Variants in NTNG1 observed in about 807,000 individuals in gnomAD.
The protein encoded by NTNG1 is netrin-G1.
A neutral mutation model predicts 54.0 loss-of-function variants in NTNG1; 16 were observed. The observed-to-expected ratio is 0.30, with a 90% CI of 0.20 to 0.45. NTNG1 has a LOEUF of 0.45. Among genes scored for constraint, NTNG1 ranks in the 20% least tolerant of loss-of-function variants. The pLI, the probability that NTNG1 is intolerant of heterozygous loss-of-function variation, is 1.00. For synonymous variants in NTNG1, 255 were observed against 263.1 expected (o/e 0.97, Z 0.30); for missense variants, 530 against 678.7 (o/e 0.78, Z 2.43).
intron 7 of NTNG1, among the ~76,000 whole-genome samples, chr1:107,457,788 T>C (rs975646064): frequency 6.6e-6 from 1 of 152,150 alleles, no homozygotes; most frequent in Admixed American, 6.5e-5. Flanking sequence ...CCTCCTAATG[T>C]ATTAGAAAAT....
chr1:107,206,323 T>C (rs1031453365), intron 2 of NTNG1, among the ~76,000 whole-genome samples: 1 of 152,192 alleles, frequency 6.6e-6, no homozygotes, highest in Admixed American at 6.5e-5. Flanking sequence ...CTTTTTCTCT[T>C]TTGCTGTTTC....
At chr1:107,445,153 T>C (rs1172759565) in intron 7 of NTNG1, among the ~76,000 whole-genome samples, 1 of 151,878 alleles carries the variant, frequency 6.6e-6, no homozygotes, top group Non-Finnish European at 1.5e-5. Context: ...GATGAGAGGG[T>C]TCTTGAAAAC....
chr1:107,303,428 A>G (rs1666447455), intron 2 of NTNG1, among the ~76,000 whole-genome samples: 2 of 152,166 alleles, frequency 1.3e-5, no homozygotes, highest in South Asian at 4.1e-4. Context: ...TTATCCGACA[A>G]GTAAGAGTTT....
intron 3 of NTNG1, among the ~76,000 whole-genome samples, chr1:107,387,860 A>C (rs1413705182): frequency 6.6e-6 from 1 of 152,186 alleles, no homozygotes; most frequent in Non-Finnish European, 1.5e-5. Flanking sequence ...GGGCCTTGGT[A>C]ATTGTTGGCC....
At chr1:107,447,344 C>T (rs1187910866) in intron 7 of NTNG1, among the ~76,000 whole-genome samples, 1 of 152,018 alleles carries the variant, frequency 6.6e-6, no homozygotes, top group Non-Finnish European at 1.5e-5. Flanking sequence ...AGCTTGTTAT[C>T]AGGATAACTT....
chr1:107,303,928 G>A (rs184690740), intron 2 of NTNG1, among the ~76,000 whole-genome samples: 3 of 151,424 alleles, frequency 2.0e-5, no homozygotes, highest in East Asian at 1.9e-4. Flanking sequence ...CTCATAATCC[G>A]CCCGCCTTGG....
At chr1:107,173,438 A>G (rs4614291) in intron 2 of NTNG1, among the ~76,000 whole-genome samples, 117,643 of 152,028 alleles carry the variant, frequency 0.77, 46,108 homozygotes, top group Middle Eastern at 0.87. Flanking sequence ...TGCTTGAGGC[A>G]GGGAAGAAGT....
chr1:107,342,060 T>A (rs959961838), intron 3 of NTNG1, among the ~76,000 whole-genome samples: 2 of 152,122 alleles, frequency 1.3e-5, no homozygotes, highest in African/African-American at 4.8e-5. Context: ...AAAACCCATT[T>A]AAAATTAGTC....
chr1:107,335,667 A>G (rs968882875), intron 3 of NTNG1, among the ~76,000 whole-genome samples: 3 of 151,376 alleles, frequency 2.0e-5, no homozygotes, highest in African/African-American at 4.9e-5. Context: ...ATGATTTTCT[A>G]TTTTTTTTCA....
chr1:107,221,564 G>A (rs1167063663), intron 2 of NTNG1, among the ~76,000 whole-genome samples: 1 of 152,116 alleles, frequency 6.6e-6, no homozygotes, highest in African/African-American at 2.4e-5. Flanking sequence ...CTAGGTAGAG[G>A]GAACATTCAA....
chr1:107,217,087 T>G (rs1051216183), intron 2 of NTNG1, among the ~76,000 whole-genome samples: 4 of 152,166 alleles, frequency 2.6e-5, no homozygotes, highest in Admixed American at 2.6e-4. Context: ...AGACTTTTTT[T>G]GTTGGTAACT....
At chr1:107,396,976 A>T (rs1249315288) in intron 4 of NTNG1, among the ~76,000 whole-genome samples, 1 of 152,190 alleles carries the variant, frequency 6.6e-6, no homozygotes, top group Non-Finnish European at 1.5e-5. Context: ...AGACATTTTC[A>T]CTGGAAAGAC....
At chr1:107,190,581 C>G (rs1187550986) in intron 2 of NTNG1, among the ~76,000 whole-genome samples, 3 of 152,068 alleles carry the variant, frequency 2.0e-5, no homozygotes, top group African/African-American at 7.2e-5. Flanking sequence ...CTCCACTCCC[C>G]CCACCCCATA....
At chr1:107,409,425 T>C (rs1018040556) in intron 5 of NTNG1, 1 of 152,156 alleles carries the variant, frequency 6.6e-6, no homozygotes, top group Non-Finnish European at 1.5e-5. Context: ...CCCCTCTAAC[T>C]GTACTGCTCA....
chr1:107,320,304 C>T (rs74110607), intron 2 of NTNG1, among the ~76,000 whole-genome samples: 2,821 of 152,196 alleles, frequency 0.019, 91 homozygotes, highest in African/African-American at 0.063. Context: ...AAATTAAGAT[C>T]TATTTAAGGC....
At chr1:107,249,930 TA>T (rs1662479935) in intron 2 of NTNG1, among the ~76,000 whole-genome samples, 1 of 152,362 alleles carries the variant, frequency 6.6e-6, no homozygotes, top group Admixed American at 6.5e-5. Flanking sequence ...GAGCAGGTAC[TA>T]ACAGAGATAT....
chr1:107,336,363 A>G (rs1668579601), intron 3 of NTNG1, among the ~76,000 whole-genome samples: 1 of 151,878 alleles, frequency 6.6e-6, no homozygotes, highest in African/African-American at 2.4e-5. Context: ...AGTGAGGAAA[A>G]GACAGTCTTT....
chr1:107,185,804 G>A (rs1395908762), intron 2 of NTNG1, among the ~76,000 whole-genome samples: 1 of 152,124 alleles, frequency 6.6e-6, no homozygotes, highest in African/African-American at 2.4e-5. Context: ...CTGTGAAGTG[G>A]CATTGTGTTC....
chr1:107,367,561 G>A (rs4542239), intron 3 of NTNG1, among the ~76,000 whole-genome samples: 21,257 of 152,020 alleles, frequency 0.14, 1,683 homozygotes, highest in Non-Finnish European at 0.19. Context: ...ATCTTGGCAA[G>A]CCTGGAATGT....
Sources: allele counts gnomAD v4.1 joint callset (sites outside exome capture counted in the v4.1 genomes callset), GRCh38; gene constraint gnomAD v4.1.1; transcripts MANE v1.5; gene names NCBI Gene and HGNC (gene_info 2026-07-23, HGNC 2026-07-21).